ZNF468: variants seen among roughly 807,000 people sequenced by gnomAD.
ZNF468 encodes the protein zinc finger protein ZNF468.
ZNF468 carries 8 observed loss-of-function variants against 7.2 expected under a neutral mutation model. The ratio of observed to expected loss-of-function variants is 1.11; its 90% confidence interval spans 0.65 to 2.01. The LOEUF (loss-of-function observed/expected upper bound fraction) is 2.01. ZNF468 is among the 30% of genes most tolerant of loss of function. The probability of loss-of-function intolerance (pLI) is 0.00; values close to 1 mark genes in which losing one functional copy is unlikely to be tolerated. For missense variants in ZNF468, 608 were observed against 626.5 expected, an observed-to-expected ratio of 0.97 and a Z score of 0.31; for synonymous variants, 218 against 214.4, an observed-to-expected ratio of 1.02 and a Z score of -0.15.
intron 2 of ZNF468, 80 bp from the exon 3 acceptor site, chr19:52,849,293 G>A (rs981815979): frequency 6.2e-7 from 1 of 1,602,364 alleles, no homozygotes. Context: ...GGAGAGAGGG[G>A]AAAGCATGGA....
intron 2 of ZNF468, among the ~76,000 whole-genome samples, chr19:52,853,330 G>T (rs1236165308): frequency 6.6e-6 from 1 of 152,026 alleles, no homozygotes; most frequent in African/African-American, 2.4e-5. Context: ...AGCTTTGCTT[G>T]GAGTTTTACC....
At chr19:52,851,251 G>C (rs2063387662) in intron 2 of ZNF468, among the ~76,000 whole-genome samples, 1 of 152,054 alleles carries the variant, frequency 6.6e-6, no homozygotes. Flanking sequence ...ACTCCAGCCT[G>C]GGCAACTGAG....
intron 3 of ZNF468, among the ~76,000 whole-genome samples, chr19:52,842,939 TG>T (rs2063317336): frequency 6.6e-6 from 1 of 150,570 alleles, no homozygotes; most frequent in African/African-American, 2.4e-5. Flanking sequence ...CTGGCCAATG[TG>T]GTGAAACCCC....
Position 52,840,996 on chromosome 19 carries a change from T to G in ZNF468, c.1298A>C (p.His433Pro), listed in dbSNP as rs765541803. 1 of 1,613,932 alleles carries G rather than the reference T, an allele frequency of 6.2e-7. No individual in the cohort carries two copies. The highest frequency in any genetic ancestry group is 8.5e-7 in the Non-Finnish European group (1 of 1,179,964). The change falls in exon 4 of 4, where the codon CAT becomes CCT. Residue 433 changes from histidine to proline, a missense_variant. Physicochemically the swap from His to Pro is moderately conservative, Grantham distance 77. Coordinates refer to ENST00000595646, the MANE Select transcript of ZNF468 (RefSeq NM_001008801.2). ...KSNLERHRRIHTGEKPYKCKV... is the reference protein window; with the variant it reads ...KSNLERHRRIPTGEKPYKCKV... ...ACATTTGTATGGTTTCTCTCCAGTATGAATCCTCCTGTGTCTTTCCAGGTT... is the reference window on the plus strand; with the variant it reads ...ACATTTGTATGGTTTCTCTCCAGTAGGAATCCTCCTGTGTCTTTCCAGGTT...
chr19:52,843,286 T>C (rs571177536), intron 3 of ZNF468, among the ~76,000 whole-genome samples: 2 of 152,228 alleles, frequency 1.3e-5, no homozygotes, highest in East Asian at 3.9e-4. Flanking sequence ...CAGGCTGGAA[T>C]GCGATGGCAC....
intron 3 of ZNF468, among the ~76,000 whole-genome samples, chr19:52,844,223 G>A (rs977812227): frequency 6.6e-6 from 1 of 152,162 alleles, no homozygotes; most frequent in African/African-American, 2.4e-5. Context: ...AGAGAATTTA[G>A]TCATGGGTGT....
chr19:52,856,341 T>G (rs2063438462), intron 1 of ZNF468, among the ~76,000 whole-genome samples: 1 of 152,064 alleles, frequency 6.6e-6, no homozygotes, highest in Non-Finnish European at 1.5e-5. Context: ...GCCAACATGG[T>G]GAAACCCTAT....
Position 52,840,103 on chromosome 19 carries a change from T to A in ZNF468, c.*622A>T. ...GTGTGAATCATTCCCGAAAGCCTTG[T>A]CACAAACCTTACATTTCTATGGCTT... On this transcript the variant is annotated 3_prime_UTR_variant, in exon 4 of 4. Transcript: ENST00000595646. 1.4e-6 allele frequency: 1 copy of A among 699,058 alleles called. No individual in the cohort carries two copies. Among genetic ancestry groups the A allele is most frequent in the Non-Finnish European group, 2.2e-6 (1 of 455,568 alleles). The allele number at this position is 699,058 out of a possible 1,614,324, so 43.3% of individuals were successfully genotyped here. A position where few individuals can be genotyped will look rare whatever the true frequency, so the allele number is the denominator to read the frequency against.
At chr19:52,854,119 G>A in intron 2 of ZNF468, 139 bp downstream of exon 2, 1 of 1,578,468 alleles carries the variant, frequency 6.3e-7, no homozygotes, top group Non-Finnish European at 8.6e-7. Flanking sequence ...TAAGCGAGAT[G>A]AGAGGGACTG....
At chr19:52,845,933 G>A (rs150016122) in intron 3 of ZNF468, among the ~76,000 whole-genome samples, 50 of 151,718 alleles carry the variant, frequency 3.3e-4, no homozygotes, top group Admixed American at 3.0e-3. Context: ...TACCCGAGAC[G>A]CAGAGTTTGG....
At chr19:52,850,695 C>A (rs975564156) in intron 2 of ZNF468, among the ~76,000 whole-genome samples, 3 of 151,338 alleles carry the variant, frequency 2.0e-5, no homozygotes, top group Non-Finnish European at 2.9e-5. Context: ...GTCAGGAGAT[C>A]GAGACCATCC....
rs1407174606 is a variant in ZNF468 at position 52,841,648 on chromosome 19, C to T, written c.646G>A (p.Glu216Lys). The T allele has an allele frequency of 6.2e-7, 1 of 1,613,872 alleles. No individual in the cohort carries two copies. The highest frequency in any genetic ancestry group is 1.3e-5 in the African/African-American group (1 of 74,854). ...WEVHMREKSFECIQSFKSFNC... is the reference protein window; with the variant it reads ...WEVHMREKSFKCIQSFKSFNC... ...AAGGATTTGAAGCTCTGTATACATT[C>T]AAAAGATTTTTCTCTCATGTGTACT... The change falls in exon 4 of 4, where the codon GAA becomes AAA. Residue 216 changes from glutamate (E) to lysine (K), a missense_variant. Transcript: ENST00000595646.
intron 1 of ZNF468, among the ~76,000 whole-genome samples, chr19:52,856,003 T>A: frequency 6.6e-6 from 1 of 152,208 alleles, no homozygotes; most frequent in South Asian, 2.1e-4. Flanking sequence ...GGTCTTATCA[T>A]CCCATTCTTA....
At chr19:52,849,377 TTATTACACTTTTTGAG>T in intron 2 of ZNF468, 164 bp from the exon 3 acceptor site, 3 of 1,368,334 alleles carry the variant, frequency 2.2e-6, no homozygotes, top group Non-Finnish European at 2.0e-6. Flanking sequence ...CAGATGTATT[TTATTACACTTTTTGAG>T]TATTATCAAG....
chr19:52,841,306 T>C lies in ZNF468; in HGVS notation c.988A>G (p.Lys330Glu). The part of the protein sequence containing the change: ...IHTGEKPYKC[K>E]VCDEAFAYNS... ...TATGCGAAAGCCTCATCACAAACCT[T>C]ACATTTGTATGGTTTCTCTCCAGTA... Residue 330 changes from lysine (K) to glutamate (E), a missense_variant, in exon 4 of 4, where the codon AAG (lysine) becomes GAG (glutamate). By Grantham distance (56) the Lys-to-Glu change is moderately conservative. Coordinates refer to ENST00000595646, the MANE Select transcript of ZNF468 (RefSeq NM_001008801.2). 1 of 1,612,866 alleles carries C rather than the reference T, an allele frequency of 6.2e-7. No homozygotes were observed.
chr19:52,854,039 G>T, intron 2 of ZNF468: 1 of 1,498,098 alleles, frequency 6.7e-7, no homozygotes, highest in Non-Finnish European at 8.9e-7. Context: ...CGGGGTGTGA[G>T]CCCTTCCCAG....
chr19:52,852,534 G>A (rs1169921162), intron 2 of ZNF468, among the ~76,000 whole-genome samples: 1 of 151,568 alleles, frequency 6.6e-6, no homozygotes, highest in Non-Finnish European at 1.5e-5. Flanking sequence ...AAAATTAGCT[G>A]GGCATGGTGG....
chr19:52,849,422 TTTC>T (rs1455146800), intron 2 of ZNF468: 13 of 1,013,714 alleles, frequency 1.3e-5, no homozygotes, highest in Admixed American at 3.3e-5. Context: ...TCAGTATAAA[TTTC>T]TTATGTTTGT....
At chr19:52,842,979 G>A (rs1294116451) in intron 3 of ZNF468, among the ~76,000 whole-genome samples, 4 of 151,786 alleles carry the variant, frequency 2.6e-5, no homozygotes, top group East Asian at 3.9e-4. Flanking sequence ...AAAAGTAGCT[G>A]GTATGGTCAC....
Sources: gnomAD v4.1 joint callset for allele counts (sites outside exome capture counted in the v4.1 genomes callset) on GRCh38, gnomAD v4.1.1 for gene constraint, MANE v1.5 for transcripts, NCBI Gene and HGNC (gene_info 2026-07-23, HGNC 2026-07-21) for gene names.